The following SDCBP2 variants were observed in gnomAD, a reference collection of about 807,000 sequenced individuals.
SDCBP2 encodes syndecan binding protein 2.
A neutral mutation model predicts 30.7 loss-of-function variants in SDCBP2; 28 were observed. That is an observed-to-expected ratio of 0.91 (90% CI 0.68 to 1.25). The LOEUF (loss-of-function observed/expected upper bound fraction) is 1.25. Among genes scored for constraint, SDCBP2 ranks in the 50% most tolerant of loss-of-function variants. The pLI, the probability that SDCBP2 is intolerant of heterozygous loss-of-function variation, is 0.00. For missense variants in SDCBP2, 399 were observed against 379.0 expected (o/e 1.05, Z -0.44); for synonymous variants, 166 against 157.3 (o/e 1.06, Z -0.41).
rs1391006725 is a variant in SDCBP2, at chr20:1,319,656, G to T, written c.58C>A (p.Gln20Lys). 1.3e-6 allele frequency: 2 copies of T among 1,561,956 alleles called. No individual in the cohort carries two copies. Among genetic ancestry groups the T allele is most frequent in the East Asian group, 2.3e-5 (1 of 43,164 alleles). ...GGCATCTTGGGTGAGGCTCTGACCT[G>T]GGCCTGGGGAGGAGCAGGGAGCACT... is the stretch of plus-strand genomic sequence containing the variant. ...DLKVDQAIQAQVRASPKMPAL... is the reference protein window; with the variant it reads ...DLKVDQAIQAKVRASPKMPAL... Residue 20 changes from glutamine (Q) to lysine (K), a missense_variant, in exon 3 of 9, where the codon CAG becomes AAG. Gln to Lys is a moderately conservative substitution (Grantham distance 53). Transcript: ENST00000360779.
chr20:1,311,556 T>C (rs1279710259), intron 7 of SDCBP2, among the ~76,000 whole-genome samples: 1 of 152,216 alleles, frequency 6.6e-6, no homozygotes, highest in Non-Finnish European at 1.5e-5. Context: ...ACATTACACA[T>C]GTATGTTATC....
At chr20:1,328,405 T>C (rs999776519) in intron 1 of SDCBP2, among the ~76,000 whole-genome samples, 15 of 151,928 alleles carry the variant, frequency 9.9e-5, no homozygotes, top group African/African-American at 3.6e-4. Flanking sequence ...TGGGAAGTGA[T>C]GGTGGTGGAA....
chr20:1,313,412 G>T lies in SDCBP2; in HGVS notation c.312C>A (p.Pro104=). 1 of 1,607,806 alleles carries T rather than the reference G, an allele frequency of 6.2e-7. No individual in the cohort carries two copies. ...SLGVRRAEIK[P]GVREIHLCKD... The stretch of plus-strand genomic sequence containing the variant: ...TGCACAGGTGGATCTCGCGCACCCC[G>T]GGCTTGATCTCAGCTCGCCGCACGC... Residue 104 remains proline (P), a synonymous_variant, in exon 5 of 9, where the codon CCC becomes CCA. Transcript: ENST00000360779. The surrounding 1 kb of genome is among the most constrained non-coding windows in gnomAD (Gnocchi z 5.2).
In SDCBP2 at chr20:1,310,841, C is replaced by G; in HGVS notation, c.783G>C (p.Leu261=). The change falls in exon 8 of 9, where the codon CTG becomes CTC. Residue 261 remains leucine (L), a synonymous_variant. Coordinates refer to ENST00000360779, the MANE Select transcript of SDCBP2 (RefSeq NM_080489.5). Reference sequence around the variant, plus strand: ...CGTAGATCACACTGGGGATGATGGTCAGGGTGACAACGTTCCCAGCCGTGG... The same window carrying G: ...CGTAGATCACACTGGGGATGATGGTGAGGGTGACAACGTTCCCAGCCGTGG... ...ILATAGNVVT[L]TIIPSVIYEH... 6.2e-7 allele frequency: 1 copy of G among 1,614,032 alleles called. No homozygotes were observed. Among genetic ancestry groups the G allele is most frequent in the Non-Finnish European group, 8.5e-7 (1 of 1,179,966 alleles).
chr20:1,319,738 G>T, intron 2 of SDCBP2, 79 bp from the exon 3 acceptor site: 2 of 1,289,292 alleles, frequency 1.6e-6, no homozygotes, highest in South Asian at 1.5e-5. Flanking sequence ...ATGAGGCCAG[G>T]GTCTGGGCAT....
chr20:1,324,313 G>GC lies in SDCBP2; in HGVS notation c.-19-3879dup, dbSNP rs1226432864. On this transcript the variant is annotated intron_variant, in intron 1 of 8. Transcript: ENST00000360779. The surrounding 1 kb of genome is among the most constrained non-coding windows in gnomAD (Gnocchi z 4.7). ...TCCTTCCCCGCCACGGCACTGCCCA[G>GC]CACACATATGCTAGCAAAAATTATT... 6.6e-6 allele frequency: 1 copy of GC among 152,156 alleles called. No homozygotes were observed. Among genetic ancestry groups the GC allele is most frequent in the East Asian group, 1.9e-4 (1 of 5,206 alleles). 9.4% of individuals were successfully genotyped at this position (152,156 alleles called of 1,614,324 possible). A position where few individuals can be genotyped will look rare whatever the true frequency, so the allele number is the denominator to read the frequency against.
chr20:1,311,916 T>TTTTTTTTGGG (rs2088676732), intron 7 of SDCBP2, among the ~76,000 whole-genome samples: 1 of 150,590 alleles, frequency 6.6e-6, no homozygotes. Flanking sequence ...TTTTTTTTTT[T>TTTTTTTTGGG]GGAGACAGGG....
rs759308798 is a variant in SDCBP2, at chr20:1,320,373, T to C, written c.44A>G (p.Gln15Arg). ...GGCCTGGCGACTTACCTGAATGGCT[T>C]GGTCCACTTTTAGGTCCTCTAGAGA... ...YPSLEDLKVD[Q>R]AIQAQVRASP... Residue 15 changes from glutamine to arginine, a missense_variant, in exon 2 of 9, where the codon CAA (glutamine) becomes CGA (arginine). Coordinates refer to ENST00000360779, the MANE Select transcript of SDCBP2 (RefSeq NM_080489.5). The surrounding 1 kb of genome is among the most constrained non-coding windows in gnomAD (Gnocchi z 4.7). 2 of 1,614,016 alleles carry C rather than the reference T, an allele frequency of 1.2e-6. No individual in the cohort carries two copies. The highest frequency in any genetic ancestry group is 2.2e-5 in the South Asian group (2 of 91,076).
chr20:1,320,004 G>A lies in SDCBP2; in HGVS notation c.55-345C>T, dbSNP rs1277972972. On this transcript the variant is annotated intron_variant, in intron 2 of 8. Coordinates refer to ENST00000360779, the MANE Select transcript of SDCBP2 (RefSeq NM_080489.5). This position sits in a 1 kb window ranked among gnomAD's most constrained non-coding sequence, Gnocchi z 4.7. ...AACCACAGAGTGCTGGGATGGAGGA[G>A]GAAGGGGGCTTCTGGGGGCTAAGCA... Among the ~76,000 whole-genome samples, 2 of 152,194 alleles carry A rather than the reference G, an allele frequency of 1.3e-5. No homozygotes were observed. Among genetic ancestry groups the A allele is most frequent in the African/African-American group, 2.4e-5 (1 of 41,444 alleles).
Position 1,313,481 on chromosome 20 carries a change from G to T in SDCBP2, c.243C>A (p.Pro81=). 1.3e-6 allele frequency: 2 copies of T among 1,592,522 alleles called. No individual in the cohort carries two copies. The highest frequency in any genetic ancestry group is 1.1e-5 in the South Asian group (1 of 88,624). The change falls in exon 5 of 9, where the codon CCC becomes CCA. Residue 81 remains proline (P), a synonymous_variant. Coordinates refer to ENST00000360779, the MANE Select transcript of SDCBP2 (RefSeq NM_080489.5). This position sits in a 1 kb window ranked among gnomAD's most constrained non-coding sequence, Gnocchi z 5.2. The part of the protein sequence containing the change: ...PEGDSTAVSG[P]GPGQMVAPVT... ...CCGGTGCCACCATCTGGCCGGGCCC[G>T]GGGCCCGAGACCGCTGTCTGCAGAC...
rs17718070 is a variant in SDCBP2, at chr20:1,311,667, C to T, written c.732+670G>A. Among the ~76,000 whole-genome samples the T allele has an allele frequency of 6.2e-3, 948 of 152,294 alleles. 6 individuals carry two copies. Among genetic ancestry groups the T allele is most frequent in the Non-Finnish European group, 0.011 (745 of 68,026 alleles). On this transcript the variant is annotated intron_variant, in intron 7 of 8. Transcript: ENST00000360779. ...TGGAAATAAACTTTGAAAAGACAAA[C>T]GATCTCAAGAAGTGTGGCTGGCTGG...
At position 1,320,499 on chromosome 20, in the gene SDCBP2, A is replaced by G. The variant is rs1417435303; in HGVS notation, c.-19-64T>C. 2 of 1,275,326 alleles carry G rather than the reference A, an allele frequency of 1.6e-6. No homozygotes were observed. Among genetic ancestry groups the G allele is most frequent in the African/African-American group, 3.0e-5 (2 of 67,194 alleles). 79.0% of individuals were successfully genotyped at this position (1,275,326 alleles called of 1,614,324 possible). A position where few individuals can be genotyped will look rare whatever the true frequency, so the allele number is the denominator to read the frequency against. ...CTGATGCCCCCTTGAAAGGAGGCACAGACATCCGCAACAGCAAGCGGGTTG... is the reference window on the plus strand; with the variant it reads ...CTGATGCCCCCTTGAAAGGAGGCACGGACATCCGCAACAGCAAGCGGGTTG... On this transcript the variant is annotated intron_variant, in intron 1 of 8. Coordinates refer to ENST00000360779, the MANE Select transcript of SDCBP2 (RefSeq NM_080489.5). This position sits in a 1 kb window ranked among gnomAD's most constrained non-coding sequence, Gnocchi z 4.7.
intron 1 of SDCBP2, chr20:1,325,917 C>G (rs923795647): frequency 6.6e-6 from 1 of 152,180 alleles, no homozygotes; most frequent in African/African-American, 2.4e-5. Flanking sequence ...CGCGTCCCAC[C>G]CACCAGTGAC....
At position 1,313,261 on chromosome 20, in the gene SDCBP2, G is replaced by C. The variant is rs946314034; in HGVS notation, c.384+79C>G. On this transcript the variant is annotated intron_variant, in intron 5 of 8. Coordinates refer to ENST00000360779, the MANE Select transcript of SDCBP2 (RefSeq NM_080489.5). The surrounding 1 kb of genome is among the most constrained non-coding windows in gnomAD (Gnocchi z 5.2). ...GCTCTGCACCTTCCTTACTGTGGAC[G>C]GGCCCTCTGAGCTCTGAGGCCTGGC... is the stretch of plus-strand genomic sequence containing the variant. 6 of 1,439,196 alleles carry C rather than the reference G, an allele frequency of 4.2e-6. No individual in the cohort carries two copies. Among genetic ancestry groups the C allele is most frequent in the African/African-American group, 1.4e-5 (1 of 71,378 alleles). The allele number at this position is 1,439,196 out of a possible 1,614,324, so 89.2% of individuals were successfully genotyped here.
chr20:1,319,578 C>A lies in SDCBP2; in HGVS notation c.124+12G>T. The stretch of plus-strand genomic sequence containing the variant: ...CTTGGCACCCAGGAGCCCCTCATCC[C>A]AGCCCACTCACCTGGTGGTGGGGAA... On this transcript the variant is annotated intron_variant, in intron 3 of 8. Coordinates refer to ENST00000360779, the MANE Select transcript of SDCBP2 (RefSeq NM_080489.5). 1 of 1,561,116 alleles carries A rather than the reference C, an allele frequency of 6.4e-7. No individual in the cohort carries two copies. Among genetic ancestry groups the A allele is most frequent in the East Asian group, 2.3e-5 (1 of 42,732 alleles).
rs2088893916 is a variant in SDCBP2, at chr20:1,324,604, T to C, written c.-19-4169A>G. 6.6e-6 allele frequency among the ~76,000 whole-genome samples: 1 copy of C among 152,320 alleles called. No homozygotes were observed. The highest frequency in any genetic ancestry group is 2.4e-5 in the African/African-American group (1 of 41,570). ...TGTACATACAATCACAATGAATTTT[T>C]CCCTAGTTTTAGTACACACTAGACT... On this transcript the variant is annotated intron_variant, in intron 1 of 8. Transcript: ENST00000360779. The surrounding 1 kb of genome is among the most constrained non-coding windows in gnomAD (Gnocchi z 4.7).
intron 3 of SDCBP2, 83 bp downstream of exon 3, chr20:1,319,507 C>T (rs2088824308): frequency 7.2e-7 from 1 of 1,397,052 alleles, no homozygotes; most frequent in Non-Finnish European, 9.9e-7. Context: ...GCCTCCCATA[C>T]CTTTGGCATT....
In SDCBP2 at chr20:1,312,473, C is replaced by A. The variant is rs1303662810; in HGVS notation, c.596G>T (p.Ser199Ile). 7.4e-6 allele frequency: 12 copies of A among 1,614,068 alleles called. No individual in the cohort carries two copies. Among genetic ancestry groups the A allele is most frequent in the Non-Finnish European group, 1.0e-5 (12 of 1,180,034 alleles). ...GATCACGAAGCCGACGTGGCCCATG[C>A]TGTCCTTGTGCATGGTGACAGTCCG... ...FQRTVTMHKD[S>I]MGHVGFVIKK... Residue 199 changes from serine to isoleucine, a missense_variant, in exon 7 of 9, where the codon AGC (serine) becomes ATC (isoleucine). Ser to Ile is a moderately radical substitution (Grantham distance 142, BLOSUM62 -2). Transcript: ENST00000360779.
intron 7 of SDCBP2, chr20:1,311,159 G>C: frequency 2.5e-6 from 1 of 407,736 alleles, no homozygotes; most frequent in East Asian, 3.9e-5. Flanking sequence ...TCAGCTTGAA[G>C]GCCAGCGGTG....
Sources: allele counts gnomAD v4.1 joint callset (sites outside exome capture counted in the v4.1 genomes callset), GRCh38; gene constraint gnomAD v4.1.1; non-coding constraint Gnocchi (gnomAD v3.1); transcripts MANE v1.5; gene names NCBI Gene and HGNC (gene_info 2026-07-23, HGNC 2026-07-21).